ABI3BP: variants seen among roughly 807,000 people sequenced by gnomAD.
The protein encoded by ABI3BP is ABI family member 3 binding protein.
In ABI3BP, 216 loss-of-function variants were observed where a neutral mutation model predicts 268.6. The ratio of observed to expected loss-of-function variants is 0.80; its 90% CI spans 0.72 to 0.90. The LOEUF (loss-of-function observed/expected upper bound fraction) is 0.90. ABI3BP is among the 40% of genes least tolerant of loss of function. ABI3BP has a pLI of 0.00. For missense variants in ABI3BP, 2,090 were observed against 2,182.4 expected, an observed-to-expected ratio of 0.96 and a Z score of 0.84; for synonymous variants, 730 against 730.0, an observed-to-expected ratio of 1.00 and a Z score of 0.00.
chr3:100,938,083 G>A (rs942605663), intron 1 of ABI3BP, among the ~76,000 whole-genome samples: 1 of 151,924 alleles, frequency 6.6e-6, no homozygotes, highest in African/African-American at 2.4e-5. Flanking sequence ...CTTATAAGTG[G>A]GGGCTAAACG....
At chr3:100,773,403 C>T (rs2096608483) in intron 61 of ABI3BP, among the ~76,000 whole-genome samples, 1 of 152,148 alleles carries the variant, frequency 6.6e-6, no homozygotes, top group Non-Finnish European at 1.5e-5. Flanking sequence ...AAACCATAAT[C>T]AGATACCATT....
chr3:100,947,283 T>G (rs528321823), intron 1 of ABI3BP, among the ~76,000 whole-genome samples: 1 of 152,294 alleles, frequency 6.6e-6, no homozygotes, highest in South Asian at 2.1e-4. Context: ...CATTGCCTAC[T>G]AGGCTGACAT....
Position 100,804,848 on chromosome 3 carries a change from C to G in ABI3BP, c.3701G>C (p.Arg1234Pro), listed in dbSNP as rs146922324. 9.5e-4 allele frequency: 1,537 copies of G among 1,612,974 alleles called. 8 individuals are homozygous for G. In the Middle Eastern group the frequency reaches 0.013, roughly 14 times the overall value. The change falls in exon 51 of 68, where the codon CGT (arginine) becomes CCT (proline). Residue 1234 changes from arginine to proline, a missense_variant. By Grantham distance (103) the Arg-to-Pro change is moderately radical. Coordinates refer to ENST00000471714, the MANE Select transcript of ABI3BP (RefSeq NM_001375547.2). ...TGACGTTTTTGGTTTTGCAGTAACA[C>G]GCTGGGGCACCTTAGGAACTGAAAG... is the stretch of plus-strand genomic sequence containing the variant. ...QTQPVPKVPQ[R>P]VTAKPKTSPS...
Position 100,832,286 on chromosome 3 carries a change from T to C in ABI3BP, c.2379A>G (p.Pro793=). The change falls in exon 31 of 68, where the codon CCA becomes CCG. Residue 793 remains proline, a synonymous_variant. Coordinates refer to ENST00000471714, the MANE Select transcript of ABI3BP (RefSeq NM_001375547.2). ...TACCCAGTTTAGTTTGAGGTACTTCTGGATGGGGCGTGGTTTTAGGTTTGG... is the reference window on the plus strand; with the variant it reads ...TACCCAGTTTAGTTTGAGGTACTTCCGGATGGGGCGTGGTTTTAGGTTTGG... ...PHPKPKTTPH[P]EVPQTKLVPA... 6.5e-7 allele frequency: 1 copy of C among 1,535,620 alleles called. No individual in the cohort carries two copies. The highest frequency in any genetic ancestry group is 2.4e-5 in the East Asian group (1 of 40,896).
At chr3:100,883,495 G>A (rs558745172) in intron 6 of ABI3BP, among the ~76,000 whole-genome samples, 1 of 152,188 alleles carries the variant, frequency 6.6e-6, no homozygotes, top group South Asian at 2.1e-4. Flanking sequence ...AACTGCAAGA[G>A]AATGTCATTA....
At chr3:100,820,586 T>C (rs2098189330) in intron 39 of ABI3BP, among the ~76,000 whole-genome samples, 1 of 152,220 alleles carries the variant, frequency 6.6e-6, no homozygotes, top group South Asian at 2.1e-4. Context: ...AATATAGTGG[T>C]GGTGGTCAGT....
intron 55 of ABI3BP, among the ~76,000 whole-genome samples, chr3:100,790,419 T>G (rs2097167559): frequency 1.3e-5 from 2 of 152,018 alleles, no homozygotes; most frequent in African/African-American, 4.8e-5. Context: ...GTAAGTAGAT[T>G]ACATCATTTT....
At chr3:100,944,014 G>A (rs1194253243) in intron 1 of ABI3BP, among the ~76,000 whole-genome samples, 3 of 152,064 alleles carry the variant, frequency 2.0e-5, no homozygotes, top group African/African-American at 7.2e-5. Flanking sequence ...TTAGTAGTAA[G>A]CGCAGATAAA....
At chr3:100,854,650 G>A (rs1026614450) in intron 14 of ABI3BP, among the ~76,000 whole-genome samples, 5 of 152,164 alleles carry the variant, frequency 3.3e-5, no homozygotes, top group Admixed American at 2.6e-4. Flanking sequence ...ATTGTAGTGG[G>A]TGAAATGCTA....
intron 51 of ABI3BP, among the ~76,000 whole-genome samples, chr3:100,798,733 A>G (rs1244418186): frequency 6.6e-6 from 1 of 152,216 alleles, no homozygotes; most frequent in East Asian, 1.9e-4. Context: ...TGATAGAGTT[A>G]GAAAATAATT....
intron 9 of ABI3BP, among the ~76,000 whole-genome samples, chr3:100,873,972 A>G (rs1258678635): frequency 6.6e-6 from 1 of 152,202 alleles, no homozygotes; most frequent in Non-Finnish European, 1.5e-5. Context: ...TAGCTCAGGG[A>G]ATACATTCTG....
rs1451287046 is a variant in ABI3BP, at chr3:100,750,560, C to A, written c.5296G>T (p.Gly1766Cys). The A allele has an allele frequency of 6.2e-7, 1 of 1,612,830 alleles. No individual in the cohort carries two copies. The highest frequency in any genetic ancestry group is 8.5e-7 in the Non-Finnish European group (1 of 1,179,380). ...TGAACATAATTGATTTGGGTGTGAC[C>A]ACCTATTTCTCCAAATTGGACAGGT... ...QEPVQFGEIGGHTQINYVQWY... is the reference protein window; with the variant it reads ...QEPVQFGEIGCHTQINYVQWY... Residue 1766 changes from glycine to cysteine, a missense_variant, in exon 68 of 68, where the codon GGT becomes TGT. By Grantham distance (159) the Gly-to-Cys change is radical (BLOSUM62 -3). Coordinates refer to ENST00000471714, the MANE Select transcript of ABI3BP (RefSeq NM_001375547.2).
chr3:100,911,855 A>G, intron 2 of ABI3BP: 1 of 1,600,050 alleles, frequency 6.2e-7, no homozygotes, highest in Non-Finnish European at 8.6e-7. Context: ...GCCTCTCTCT[A>G]AACGTCATGA....
chr3:100,986,654 A>G (rs2091846339), intron 1 of ABI3BP, among the ~76,000 whole-genome samples: 1 of 152,030 alleles, frequency 6.6e-6, no homozygotes, highest in Non-Finnish European at 1.5e-5. Flanking sequence ...TTTAGTGGAG[A>G]TGGGGTTTCA....
At chr3:100,836,989 T>G in intron 27 of ABI3BP, 135 bp downstream of exon 27, 1 of 816,114 alleles carries the variant, frequency 1.2e-6, no homozygotes, top group Non-Finnish European at 1.9e-6. Context: ...AGGCCCCTGT[T>G]GAAAATAGTG....
chr3:100,816,272 A>G (rs1390561935), intron 43 of ABI3BP: 1 of 456,710 alleles, frequency 2.2e-6, no homozygotes, highest in Non-Finnish European at 3.9e-6. Flanking sequence ...TGTTTAGGCA[A>G]CAGATACGAA....
chr3:100,898,414 C>T (rs2153476557), intron 4 of ABI3BP, among the ~76,000 whole-genome samples: 1 of 152,324 alleles, frequency 6.6e-6, no homozygotes, highest in African/African-American at 2.4e-5. Context: ...ATTGTGAGAT[C>T]AAAGATCCAT....
intron 4 of ABI3BP, among the ~76,000 whole-genome samples, chr3:100,892,832 T>C (rs748466274): frequency 1.3e-5 from 2 of 152,286 alleles, no homozygotes; most frequent in Admixed American, 6.5e-5. Context: ...GCAGGTAAGA[T>C]AGAACATGAT....
intron 2 of ABI3BP, among the ~76,000 whole-genome samples, chr3:100,913,145 C>T (rs543302425): frequency 6.6e-6 from 1 of 152,314 alleles, no homozygotes; most frequent in Non-Finnish European, 1.5e-5. Flanking sequence ...ACCCACCCCA[C>T]CCATTGTCCT....
Sources: allele counts gnomAD v4.1 joint callset (sites outside exome capture counted in the v4.1 genomes callset), GRCh38; gene constraint gnomAD v4.1.1; transcripts MANE v1.5; gene names NCBI Gene and HGNC (gene_info 2026-07-23, HGNC 2026-07-21).